The following CREBBP variants were observed in gnomAD, a reference collection of about 807,000 sequenced individuals.
CREBBP encodes the protein CREB-binding protein.
CREBBP carries 19 observed loss-of-function variants against 265.0 expected under a neutral mutation model. The ratio of observed to expected loss-of-function variants is 0.07; its 90% CI spans 0.05 to 0.11. The LOEUF is 0.11. Ranked by LOEUF, CREBBP falls within the 10% of genes least tolerant of loss-of-function variation. The probability of loss-of-function intolerance (pLI) is 1.00; values close to 1 mark genes in which losing one functional copy is unlikely to be tolerated. For synonymous variants in CREBBP, 1,457 were observed against 1,223.7 expected (o/e 1.19, Z -3.98); for missense variants, 2,525 against 3,219.0 (o/e 0.78, Z 5.22).
chr16:3,795,898 C>G (rs986425225), intron 3 of CREBBP, among the ~76,000 whole-genome samples: 1 of 152,186 alleles, frequency 6.6e-6, no homozygotes, highest in Non-Finnish European at 1.5e-5. Flanking sequence ...AAAGAACCAT[C>G]CTTCTTGGGC....
chr16:3,868,053 C>A (rs553082287), intron 1 of CREBBP, among the ~76,000 whole-genome samples: 1 of 152,222 alleles, frequency 6.6e-6, no homozygotes, highest in African/African-American at 2.4e-5. Context: ...AAATGGGCTA[C>A]TTAGGGCAAA....
rs1348561145 is a variant in CREBBP at position 3,728,498 on chromosome 16, C to T, written c.6549G>A (p.Ala2183=). The T allele has an allele frequency of 9.3e-6, 15 of 1,613,930 alleles. No individual in the cohort carries two copies. Among genetic ancestry groups the T allele is most frequent in the African/African-American group, 5.3e-5 (4 of 74,928 alleles). ...IMNPGHNPNM[A]SMNPQYREML... ...TTTCTCGGTACTGTGGATTCATACT[C>T]GCCATGTTGGGGTTGTGTCCTGGGT... The change falls in exon 31 of 31, where the codon GCG becomes GCA. Residue 2183 remains alanine (A), a synonymous_variant. Coordinates refer to ENST00000262367, the MANE Select transcript of CREBBP (RefSeq NM_004380.3). This position sits in a 1 kb window ranked among gnomAD's most constrained non-coding sequence, Gnocchi z 8.7.
intron 2 of CREBBP, among the ~76,000 whole-genome samples, chr16:3,818,254 G>A (rs1368638842): frequency 6.6e-6 from 1 of 151,354 alleles, no homozygotes; most frequent in Non-Finnish European, 1.5e-5. Flanking sequence ...CAGGCCATCA[G>A]AAACTCTCAG....
rs750112034 is a variant in CREBBP, at chr16:3,770,806, G to C, written c.2644C>G (p.Pro882Ala). 1 of 1,614,106 alleles carries C rather than the reference G, an allele frequency of 6.2e-7. No homozygotes were observed. Among genetic ancestry groups the C allele is most frequent in the Non-Finnish European group, 8.5e-7 (1 of 1,180,018 alleles). The change falls in exon 14 of 31, where the codon CCA becomes GCA. Residue 882 changes from proline (P) to alanine (A), a missense_variant. Transcript: ENST00000262367. ...GTTGATGGCTGAGTGGGAGCTGCTG[G>C]CTGGGGAGGAGTCATCCCAGGTGGT... ...TTPPGMTPPQ[P>A]AAPTQPSTPV... is the part of the protein sequence containing the mutation.
chr16:3,795,457 T>C (rs2053589977), intron 3 of CREBBP, among the ~76,000 whole-genome samples: 3 of 152,132 alleles, frequency 2.0e-5, no homozygotes, highest in Non-Finnish European at 2.9e-5. Context: ...GCAACACACA[T>C]GTTTTGCTTA....
intron 1 of CREBBP, among the ~76,000 whole-genome samples, chr16:3,857,791 G>A (rs939662718): frequency 2.0e-5 from 3 of 152,198 alleles, no homozygotes; most frequent in African/African-American, 7.2e-5. Flanking sequence ...CTAGGGAAAG[G>A]AATTTTCCCT....
intron 1 of CREBBP, among the ~76,000 whole-genome samples, chr16:3,855,233 T>C (rs2054934175): frequency 1.3e-5 from 2 of 152,200 alleles, no homozygotes; most frequent in South Asian, 4.1e-4. Context: ...GATCAAAGGT[T>C]CCCTGGCCTT....
chr16:3,823,855 C>T (rs1279615407), intron 2 of CREBBP, among the ~76,000 whole-genome samples: 1 of 152,072 alleles, frequency 6.6e-6, no homozygotes, highest in Non-Finnish European at 1.5e-5. Context: ...ACCTTCCCAG[C>T]AAGGAGACCA....
chr16:3,730,374 C>G (rs945341455), intron 30 of CREBBP: 2 of 177,924 alleles, frequency 1.1e-5, no homozygotes, highest in African/African-American at 4.8e-5. Flanking sequence ...AAAGCGCCGA[C>G]AGCTGCCGTG....
intron 5 of CREBBP, among the ~76,000 whole-genome samples, chr16:3,790,123 T>C (rs1009047616): frequency 2.0e-5 from 3 of 152,178 alleles, no homozygotes; most frequent in Non-Finnish European, 4.4e-5. Context: ...AAGAGCCTAT[T>C]ACTGAAATGT....
intron 1 of CREBBP, among the ~76,000 whole-genome samples, chr16:3,851,450 A>G (rs2054835017): frequency 6.6e-6 from 1 of 152,132 alleles, no homozygotes; most frequent in Admixed American, 6.5e-5. Flanking sequence ...ATCATATTCT[A>G]AAACAATAAT....
At position 3,758,183 on chromosome 16, in the gene CREBBP, G is replaced by A. The variant is rs2052631876; in HGVS notation, c.3370-135C>T. ...CTTCCATTCCCAACAGTAAGAAATA[G>A]GAAATGAAAAGAAAATAACCTCTGA... On this transcript the variant is annotated intron_variant, in intron 17 of 30. Coordinates refer to ENST00000262367, the MANE Select transcript of CREBBP (RefSeq NM_004380.3). 3 of 934,820 alleles carry A rather than the reference G, an allele frequency of 3.2e-6. No individual in the cohort carries two copies. In the African/African-American group the frequency reaches 5.1e-5, roughly 16 times the overall value. The allele number at this position is 934,820 out of a possible 1,614,324, so 57.9% of individuals were successfully genotyped here. A position where few individuals can be genotyped will look rare whatever the true frequency, so the allele number is the denominator to read the frequency against.
rs149890601 is a variant in CREBBP at position 3,859,967 on chromosome 16, T to G, written c.86-8958A>C. Reference sequence around the variant, plus strand: ...AAGGAGGGGCTTGTGGGAACCCCATTTATAGCCAGTCAGAAGCACAGGTAA... The same window carrying G: ...AAGGAGGGGCTTGTGGGAACCCCATGTATAGCCAGTCAGAAGCACAGGTAA... On this transcript the variant is annotated intron_variant, in intron 1 of 30. Transcript: ENST00000262367. Among the ~76,000 whole-genome samples, 1,310 of 152,268 alleles carry G rather than the reference T, an allele frequency of 8.6e-3. 17 individuals are homozygous for G. The highest frequency in any genetic ancestry group is 0.071 in the Middle Eastern group (21 of 294).
In CREBBP at chr16:3,852,153, ATTTGT is replaced by A. The variant is rs1310768668; in HGVS notation, c.86-1149_86-1145del. On this transcript the variant is annotated intron_variant, in intron 1 of 30. Transcript: ENST00000262367. ...TTGAGGACAGTAAAGCCAATCTTAAATTTGTTTTTTTTTTTTTTTTTTTTTTTTTG... is the reference window on the plus strand; with the variant it reads ...TTGAGGACAGTAAAGCCAATCTTAAATTTTTTTTTTTTTTTTTTTTTTTTG... Among the ~76,000 whole-genome samples the A allele has an allele frequency of 9.7e-3, 1,027 of 105,796 alleles. 96 individuals carry two copies. The highest frequency in any genetic ancestry group is 0.035 in the African/African-American group (959 of 27,396). The allele number at this position is 105,796 out of a possible 152,430, so 69.4% of individuals were successfully genotyped here. A position where few individuals can be genotyped will look rare whatever the true frequency, so the allele number is the denominator to read the frequency against.
chr16:3,822,735 C>A (rs980970214), intron 2 of CREBBP, among the ~76,000 whole-genome samples: 1 of 152,200 alleles, frequency 6.6e-6, no homozygotes, highest in Non-Finnish European at 1.5e-5. Flanking sequence ...TGTGGCTCTA[C>A]CTCTTAACAA....
At chr16:3,825,462 T>C (rs2054219520) in intron 2 of CREBBP, among the ~76,000 whole-genome samples, 1 of 152,196 alleles carries the variant, frequency 6.6e-6, no homozygotes, top group Non-Finnish European at 1.5e-5. Flanking sequence ...GGAATTGCAA[T>C]TAGTTGATAA....
chr16:3,800,474 C>A (rs2053690767), intron 3 of CREBBP, among the ~76,000 whole-genome samples: 1 of 151,742 alleles, frequency 6.6e-6, no homozygotes, highest in Admixed American at 6.6e-5. Context: ...AAGAGACGAG[C>A]CTGCTTTGTT....
At chr16:3,860,062 C>T (rs2055041944) in intron 1 of CREBBP, among the ~76,000 whole-genome samples, 1 of 152,094 alleles carries the variant, frequency 6.6e-6, no homozygotes. Context: ...ACCGTGGGAT[C>T]TGACACCATC....
intron 1 of CREBBP, among the ~76,000 whole-genome samples, chr16:3,861,777 A>C (rs541877666): frequency 1.3e-5 from 2 of 149,526 alleles, no homozygotes; most frequent in African/African-American, 2.5e-5. Flanking sequence ...TTTTTTTTAC[A>C]ATGACTATTA....
Sources: gnomAD v4.1 joint callset for allele counts (sites outside exome capture counted in the v4.1 genomes callset) on GRCh38, gnomAD v4.1.1 for gene constraint, Gnocchi (gnomAD v3.1) non-coding constraint, MANE v1.5 for transcripts, NCBI Gene and HGNC (gene_info 2026-07-23, HGNC 2026-07-21) for gene names.